Variants in SART3 observed in about 807,000 individuals in gnomAD.
SART3 encodes the protein HIV-1 Tat-interacting protein of 110kDa.
In SART3, 44 loss-of-function variants were observed where a neutral mutation model predicts 122.3. That is an observed-to-expected ratio of 0.36 (90% CI 0.28 to 0.46). The LOEUF (loss-of-function observed/expected upper bound fraction) is 0.46, where lower values mean the gene tolerates loss of function less well. Among genes scored for constraint, SART3 ranks in the 20% least tolerant of loss-of-function variants. The probability of loss-of-function intolerance (pLI) is 1.00; values close to 1 mark genes in which losing one functional copy is unlikely to be tolerated. For missense variants in SART3, 1,101 were observed against 1,229.0 expected, an observed-to-expected ratio of 0.90 and a Z score of 1.56; for synonymous variants, 442 against 454.0, an observed-to-expected ratio of 0.97 and a Z score of 0.34.
At chr12:108,547,037 C>T (rs1212521370) in intron 3 of SART3, among the ~76,000 whole-genome samples, 1 of 152,122 alleles carries the variant, frequency 6.6e-6, no homozygotes, top group East Asian at 1.9e-4. Context: ...CCAGGCTGGT[C>T]TTGAACTCCC....
intron 1 of SART3, among the ~76,000 whole-genome samples, chr12:108,549,764 C>T: frequency 6.6e-6 from 1 of 151,996 alleles, no homozygotes; most frequent in South Asian, 2.1e-4. Context: ...ATCTGTGATC[C>T]CAGCACTTTG....
In SART3 at chr12:108,543,304, C is replaced by G. The variant is rs1592767656; in HGVS notation, c.782-152G>C. The G allele has an allele frequency of 4.5e-6, 4 of 889,090 alleles. No individual in the cohort carries two copies. In the East Asian group the frequency reaches 1.0e-4, roughly 23 times the overall value. The allele number at this position is 889,090 out of a possible 1,614,324, so 55.1% of individuals were successfully genotyped here. On this transcript the variant is annotated intron_variant, in intron 5 of 18. Transcript: ENST00000546815. ...ATCAAATTCTGATTTCTGCTGAGCCCAAACCTGTCTGTAGAATCTGTCTTA... is the reference window on the plus strand; with the variant it reads ...ATCAAATTCTGATTTCTGCTGAGCCGAAACCTGTCTGTAGAATCTGTCTTA...
intron 1 of SART3, among the ~76,000 whole-genome samples, chr12:108,556,672 C>T (rs1298887180): frequency 6.6e-6 from 1 of 152,216 alleles, no homozygotes; most frequent in Non-Finnish European, 1.5e-5. Context: ...TGGGCTAAAG[C>T]TCTGGTTCTT....
chr12:108,534,403 G>A (rs1056954253), intron 12 of SART3, among the ~76,000 whole-genome samples: 1 of 151,982 alleles, frequency 6.6e-6, no homozygotes, highest in Non-Finnish European at 1.5e-5. Context: ...GTCACGTTTA[G>A]CCGGATATGG....
rs540119880 is a variant in SART3, at chr12:108,532,747, G to A, written c.1557-413C>T. Reference sequence around the variant, plus strand: ...AGGGTAGTGTCAAATTTCATACCCAGAGTCAGATCTTTTTTTTTTTTTTGA... The same window carrying A: ...AGGGTAGTGTCAAATTTCATACCCAAAGTCAGATCTTTTTTTTTTTTTTGA... On this transcript the variant is annotated intron_variant, in intron 12 of 18. Transcript: ENST00000546815. The A allele has an allele frequency of 1.4e-4, 30 of 209,630 alleles. 1 individual carries two copies. The highest frequency in any genetic ancestry group is 7.0e-4 in the African/African-American group (30 of 43,096). 13.0% of individuals were successfully genotyped at this position (209,630 alleles called of 1,614,324 possible). A position where few individuals can be genotyped will look rare whatever the true frequency, so the allele number is the denominator to read the frequency against.
At chr12:108,552,633 TA>T (rs1158391407) in intron 1 of SART3, among the ~76,000 whole-genome samples, 5 of 151,240 alleles carry the variant, frequency 3.3e-5, no homozygotes, top group Admixed American at 3.3e-4. Flanking sequence ...ATTAGGTGTA[TA>T]TTTAAAAAGT....
intron 16 of SART3, 83 bp from the exon 17 acceptor site, chr12:108,525,692 C>G (rs1045466450): frequency 4.3e-5 from 62 of 1,429,040 alleles, no homozygotes; most frequent in Non-Finnish European, 5.3e-5. Flanking sequence ...CAGCCTTGTC[C>G]CCATGAGCAG....
rs549935207 is a variant in SART3, at chr12:108,538,325, G to A, written c.1063-122C>T. ...CCTTATAAACATCTCTTGTGACCTG[G>A]TTTCCTCAACAACAACAAAAAAATC... On this transcript the variant is annotated intron_variant, in intron 7 of 18. Coordinates refer to ENST00000546815, the MANE Select transcript of SART3 (RefSeq NM_014706.4). 1.7e-5 allele frequency: 19 copies of A among 1,110,622 alleles called. No homozygotes were observed. In the African/African-American group the frequency reaches 2.5e-4, roughly 14 times the overall value. 68.8% of individuals were successfully genotyped at this position (1,110,622 alleles called of 1,614,324 possible). A position where few individuals can be genotyped will look rare whatever the true frequency, so the allele number is the denominator to read the frequency against.
At chr12:108,538,785 A>G (rs1223923439) in intron 7 of SART3, 149 bp downstream of exon 7, 4 of 923,494 alleles carry the variant, frequency 4.3e-6, no homozygotes, top group Non-Finnish European at 6.6e-6. Context: ...AAACACTAAA[A>G]CTTTCTAAAC....
intron 15 of SART3, 62 bp downstream of exon 15, chr12:108,530,080 T>A: frequency 6.3e-7 from 1 of 1,580,902 alleles, no homozygotes; most frequent in Non-Finnish European, 8.7e-7. Context: ...TTCTTCATAC[T>A]GTATTCGCAA....
At chr12:108,525,632 G>C (rs201224185) in intron 16 of SART3, 23 bp from the exon 17 acceptor site, 192 of 1,613,188 alleles carry the variant, frequency 1.2e-4, no homozygotes, top group Non-Finnish European at 1.6e-4. Context: ...GGAAGACAGA[G>C]AAAAACCATG....
Position 108,523,469 on chromosome 12 carries a change from A to T in SART3, c.2880T>A (p.Phe960Leu), listed in dbSNP as rs758455328. Residue 960 changes from phenylalanine to leucine, a missense_variant, in exon 19 of 19, where the codon TTT becomes TTA. Transcript: ENST00000546815. ...KMSNADFAKL[F>L]LRK Reference sequence around the variant, plus strand: ...CCCAGCGTCCCGTTCACTTTCTCAGAAACAGCTTGGCAAAATCGGCATTGG... The same window carrying T: ...CCCAGCGTCCCGTTCACTTTCTCAGTAACAGCTTGGCAAAATCGGCATTGG... 3 of 1,612,474 alleles carry T rather than the reference A, an allele frequency of 1.9e-6. No individual in the cohort carries two copies. The highest frequency in any genetic ancestry group is 2.2e-5 in the South Asian group (2 of 90,998).
chr12:108,527,824 G>A (rs111592230), intron 15 of SART3, among the ~76,000 whole-genome samples: 14 of 152,010 alleles, frequency 9.2e-5, no homozygotes, highest in Admixed American at 1.3e-4. Context: ...GGAGTGCAAC[G>A]GCATGATCTC....
Position 108,530,204 on chromosome 12 carries a change from C to T in SART3, c.1853G>A (p.Arg618Lys), listed in dbSNP as rs1374414413. 1.2e-6 allele frequency: 2 copies of T among 1,614,216 alleles called. No homozygotes were observed. Among genetic ancestry groups the T allele is most frequent in the Admixed American group, 3.3e-5 (2 of 60,028 alleles). The change falls in exon 15 of 19, where the codon AGA becomes AAA. Residue 618 changes from arginine to lysine, a missense_variant. Physicochemically the swap from Arg to Lys is conservative, Grantham distance 26. This residue lies in a region of SART3 where 885 missense variants were observed against 1,080.1 expected (regional missense o/e 0.82). Transcript: ENST00000546815. ...ATCTGCTCCGCGCTTCTCTGGGCCT[C>T]TGATCTTTTTCTTCTTTTTTAACGC... ...KKALKKKKKIRGPEKRGADED... is the reference protein window; with the variant it reads ...KKALKKKKKIKGPEKRGADED...
intron 16 of SART3, 155 bp from the exon 17 acceptor site, chr12:108,525,764 G>A (rs1050387900): frequency 4.3e-5 from 33 of 765,952 alleles, no homozygotes; most frequent in African/African-American, 3.6e-4. Flanking sequence ...CCACCGGAGC[G>A]AGTCACTTAA....
intron 1 of SART3, among the ~76,000 whole-genome samples, chr12:108,558,070 G>A (rs2030309009): frequency 6.6e-6 from 1 of 152,074 alleles, no homozygotes; most frequent in South Asian, 2.1e-4. Context: ...TTTGGAGGAT[G>A]AGCTGGGAGG....
chr12:108,545,401 T>C, intron 3 of SART3, 78 bp from the exon 4 acceptor site: 2 of 1,426,386 alleles, frequency 1.4e-6, no homozygotes, highest in Admixed American at 1.8e-5. Context: ...AAACGAAATG[T>C]GCCTACCAAA....
At chr12:108,538,329 C>T (rs986161103) in intron 7 of SART3, 126 bp from the exon 8 acceptor site, 2 of 1,076,978 alleles carry the variant, frequency 1.9e-6, no homozygotes, top group African/African-American at 3.1e-5. Context: ...GACCTGGTTT[C>T]CTCAACAACA....
chr12:108,524,517 C>T lies in SART3; in HGVS notation c.2524-11G>A, dbSNP rs1372522448. 1.2e-6 allele frequency: 2 copies of T among 1,613,776 alleles called. No individual in the cohort carries two copies. Among genetic ancestry groups the T allele is most frequent in the Non-Finnish European group, 1.7e-6 (2 of 1,179,842 alleles). On this transcript the variant is annotated splice_polypyrimidine_tract_variant and intron_variant, in intron 17 of 18. Transcript: ENST00000546815. Reference sequence around the variant, plus strand: ...CACGTAGGCCAGGCCCTGGAAGAGGCAAGATCCAGAACCAAGTCAGATCCC... The same window carrying T: ...CACGTAGGCCAGGCCCTGGAAGAGGTAAGATCCAGAACCAAGTCAGATCCC...
Sources: allele counts gnomAD v4.1 joint callset (sites outside exome capture counted in the v4.1 genomes callset), GRCh38; gene constraint gnomAD v4.1.1; regional missense constraint gnomAD v4.1.1; transcripts MANE v1.5; gene names NCBI Gene and HGNC (gene_info 2026-07-23, HGNC 2026-07-21).